The following ST8SIA6 variants were observed in gnomAD, a reference collection of about 807,000 sequenced individuals.
ST8SIA6 encodes alpha-2,8-sialyltransferase 8F.
ST8SIA6 carries 39 observed loss-of-function variants against 33.6 expected under a neutral mutation model. The observed-to-expected ratio is 1.16, with a 90% confidence interval of 0.90 to 1.52. The LOEUF (loss-of-function observed/expected upper bound fraction) is 1.52, where lower values mean the gene tolerates loss of function less well. Ranked by LOEUF, ST8SIA6 falls within the 40% of genes most tolerant of loss-of-function variation. ST8SIA6 has a pLI of 0.00. For missense variants in ST8SIA6, 441 were observed against 443.8 expected (o/e 0.99, Z 0.06); for synonymous variants, 172 against 167.2 (o/e 1.03, Z -0.22).
Position 17,454,467 on chromosome 10 carries a change from C to T in ST8SIA6, c.-212G>A, listed in dbSNP as rs1422385512. On this transcript the variant is annotated 5_prime_UTR_variant, in exon 1 of 8. Transcript: ENST00000377602. This position sits in a 1 kb window ranked among gnomAD's most constrained non-coding sequence, Gnocchi z 4.1. ...GAAGAAGCCGCGTTCGGGCTCGCCCCGGGCTCCCGGCCCCGGCCCGCGGAG... is the reference window on the plus strand; with the variant it reads ...GAAGAAGCCGCGTTCGGGCTCGCCCTGGGCTCCCGGCCCCGGCCCGCGGAG... 1 of 156,280 alleles carries T rather than the reference C, an allele frequency of 6.4e-6. No individual in the cohort carries two copies. Among genetic ancestry groups the T allele is most frequent in the East Asian group, 1.9e-4 (1 of 5,304 alleles). 9.7% of individuals were successfully genotyped at this position (156,280 alleles called of 1,614,324 possible).
chr10:17,384,927 T>C (rs12266860), intron 3 of ST8SIA6, among the ~76,000 whole-genome samples: 27,462 of 152,092 alleles, frequency 0.18, 3,671 homozygotes, highest in African/African-American at 0.38. Flanking sequence ...AAATGAACTT[T>C]CGGGACCTAC....
At chr10:17,413,494 T>A (rs1851514152) in intron 2 of ST8SIA6, 1 of 152,162 alleles carries the variant, frequency 6.6e-6, no homozygotes, top group African/African-American at 2.4e-5. Flanking sequence ...ATTAAAATTA[T>A]AGTTCTTTGA....
chr10:17,323,392 CT>C (rs760856694), intron 6 of ST8SIA6, among the ~76,000 whole-genome samples: 15,627 of 111,786 alleles, frequency 0.14, 1,182 homozygotes, highest in East Asian at 0.34. Context: ...AAATATACAC[CT>C]TTTTTTTTTT....
chr10:17,386,464 G>C (rs551673736), intron 3 of ST8SIA6, among the ~76,000 whole-genome samples: 3 of 151,996 alleles, frequency 2.0e-5, no homozygotes, highest in African/African-American at 7.2e-5. Flanking sequence ...ACTTGAACCC[G>C]GGAGGTGGAG....
intron 3 of ST8SIA6, among the ~76,000 whole-genome samples, chr10:17,374,752 A>AAATATAT (rs1849849506): frequency 8.1e-6 from 1 of 123,306 alleles, no homozygotes; most frequent in African/African-American, 3.1e-5. Context: ...ATAAATAATA[A>AAATATAT]ATATATATAT....
Position 17,315,998 on chromosome 10 carries a change from T to C in ST8SIA6, c.*4880A>G, listed in dbSNP as rs1847762995. Among the ~76,000 whole-genome samples the C allele has an allele frequency of 6.6e-6, 1 of 152,050 alleles. No individual in the cohort carries two copies. On this transcript the variant is annotated 3_prime_UTR_variant, in exon 8 of 8. Coordinates refer to ENST00000377602, the MANE Select transcript of ST8SIA6 (RefSeq NM_001004470.3). ...TGAATACTAGCTCTGCTCTTATATA[T>C]AATGCAACCTTATATAAGTTACTTA...
chr10:17,347,537 A>G (rs1463359078), intron 4 of ST8SIA6, among the ~76,000 whole-genome samples: 1 of 151,810 alleles, frequency 6.6e-6, no homozygotes, highest in Non-Finnish European at 1.5e-5. Flanking sequence ...GCAGAATCGG[A>G]GTGAGATTGT....
intron 4 of ST8SIA6, among the ~76,000 whole-genome samples, chr10:17,353,963 T>C (rs1849111662): frequency 6.6e-6 from 1 of 152,148 alleles, no homozygotes; most frequent in Non-Finnish European, 1.5e-5. Context: ...AAATAGAAAT[T>C]AAGGACTGTT....
intron 4 of ST8SIA6, among the ~76,000 whole-genome samples, chr10:17,335,291 G>A (rs1477748491): frequency 2.6e-5 from 4 of 152,202 alleles, no homozygotes; most frequent in African/African-American, 4.8e-5. Flanking sequence ...GTTGATGGTA[G>A]TGAGTCATTA....
At chr10:17,427,971 G>C (rs1588915818) in intron 2 of ST8SIA6, among the ~76,000 whole-genome samples, 1 of 152,238 alleles carries the variant, frequency 6.6e-6, no homozygotes, top group South Asian at 2.1e-4. Flanking sequence ...GAGTAGGCAA[G>C]AAGTACACAA....
chr10:17,406,029 TTGGAG>T (rs1851245650), intron 2 of ST8SIA6, among the ~76,000 whole-genome samples: 1 of 152,144 alleles, frequency 6.6e-6, no homozygotes, highest in African/African-American at 2.4e-5. Flanking sequence ...AGCACAGTCA[TTGGAG>T]TGGAGACCCT....
At position 17,390,898 on chromosome 10, in the gene ST8SIA6, G is replaced by A. The variant is rs1326829863; in HGVS notation, c.201-278C>T. Among the ~76,000 whole-genome samples the A allele has an allele frequency of 2.8e-5, 4 of 140,520 alleles. No individual in the cohort carries two copies. The East Asian group carries it at 8.4e-4, about 29-fold the overall frequency. The allele number at this position is 140,520 out of a possible 152,430, so 92.2% of individuals were successfully genotyped here. On this transcript the variant is annotated intron_variant, in intron 2 of 7. Coordinates refer to ENST00000377602, the MANE Select transcript of ST8SIA6 (RefSeq NM_001004470.3). ...TTTGAGATGGAGTTTCACTCTTGTT[G>A]CCCAGGCTGGCGTGCAATGGCACAA...
intron 4 of ST8SIA6, 99 bp downstream of exon 4, chr10:17,359,415 T>C: frequency 1.2e-6 from 1 of 860,006 alleles, no homozygotes; most frequent in South Asian, 1.9e-5. Context: ...CAGCTGGGGT[T>C]GGTTCTACTT....
chr10:17,396,728 A>C (rs1850821021), intron 2 of ST8SIA6, among the ~76,000 whole-genome samples: 1 of 152,162 alleles, frequency 6.6e-6, no homozygotes, highest in African/African-American at 2.4e-5. Flanking sequence ...TCAAAATCAA[A>C]AACAAACGAA....
At chr10:17,340,259 C>T (rs1317966494) in intron 4 of ST8SIA6, among the ~76,000 whole-genome samples, 1 of 152,154 alleles carries the variant, frequency 6.6e-6, no homozygotes, top group African/African-American at 2.4e-5. Context: ...CATCTGTTCC[C>T]CTGGTCACCT....
intron 2 of ST8SIA6, among the ~76,000 whole-genome samples, chr10:17,450,105 A>G (rs920140307): frequency 2.0e-5 from 3 of 152,338 alleles, no homozygotes; most frequent in Non-Finnish European, 4.4e-5. Context: ...AGCTAGCAAC[A>G]GCTGAGTGAG....
In ST8SIA6 at chr10:17,397,233, G is replaced by GTTTT. The variant is rs34049805; in HGVS notation, c.201-6617_201-6614dup. ...TTGTGTCGTTTGCAAATTGTTTTTT[G>GTTTT]TTTTTTTTTTTTTTTTTGAGACGAA... On this transcript the variant is annotated intron_variant, in intron 2 of 7. Coordinates refer to ENST00000377602, the MANE Select transcript of ST8SIA6 (RefSeq NM_001004470.3). Among the ~76,000 whole-genome samples, 251 of 124,202 alleles carry GTTTT rather than the reference G, an allele frequency of 2.0e-3. 7 individuals are homozygous for GTTTT. The highest frequency in any genetic ancestry group is 5.7e-3 in the African/African-American group (189 of 32,982). The allele number at this position is 124,202 out of a possible 152,430, so 81.5% of individuals were successfully genotyped here.
chr10:17,453,562 T>C lies in ST8SIA6; in HGVS notation c.197A>G (p.Asn66Ser). The C allele has an allele frequency of 7.5e-7, 1 of 1,325,972 alleles. No individual in the cohort carries two copies. The highest frequency in any genetic ancestry group is 2.4e-5 in the South Asian group (1 of 41,614). The allele number at this position is 1,325,972 out of a possible 1,614,324, so 82.1% of individuals were successfully genotyped here. The change falls in exon 2 of 8, where the codon AAC becomes AGC. Residue 66 changes from asparagine (N) to serine (S), a missense_variant. By Grantham distance (46) the Asn-to-Ser change is conservative. Coordinates refer to ENST00000377602, the MANE Select transcript of ST8SIA6 (RefSeq NM_001004470.3). The stretch of plus-strand genomic sequence containing the variant: ...CCCGCGCTGGGCGCCGCTGTACCTG[T>C]TAGTGGCGCGCGGTACCGCGGTCGC... ...SPATAVPRATNSTYLNEKSLQ... is the reference protein window; with the variant it reads ...SPATAVPRATSSTYLNEKSLQ...
intron 2 of ST8SIA6, chr10:17,403,628 T>G (rs1851132792): frequency 1.3e-5 from 2 of 152,248 alleles, no homozygotes; most frequent in African/African-American, 4.8e-5. Flanking sequence ...AATATACATA[T>G]CTTTTCTTAC....
Sources: allele counts gnomAD v4.1 joint callset (sites outside exome capture counted in the v4.1 genomes callset), GRCh38; gene constraint gnomAD v4.1.1; non-coding constraint Gnocchi (gnomAD v3.1); transcripts MANE v1.5; gene names NCBI Gene and HGNC (gene_info 2026-07-23, HGNC 2026-07-21).